CCDC148: variants seen among roughly 807,000 people sequenced by gnomAD.
CCDC148 encodes the protein coiled-coil domain containing 148.
Under a neutral mutation model 85.7 loss-of-function variants are expected in CCDC148, and 89 were observed. The ratio of observed to expected loss-of-function variants is 1.04; its 90% CI spans 0.87 to 1.24. The LOEUF is 1.24. Among genes scored for constraint, CCDC148 ranks in the 50% most tolerant of loss-of-function variants. CCDC148 has a pLI of 0.00. For synonymous variants in CCDC148, 230 were observed against 213.9 expected, an observed-to-expected ratio of 1.08 and a Z score of -0.66; for missense variants, 692 against 671.7, an observed-to-expected ratio of 1.03 and a Z score of -0.33.
intron 3 of CCDC148, among the ~76,000 whole-genome samples, chr2:158,344,494 T>TA (rs1682896224): frequency 6.6e-6 from 1 of 152,156 alleles, no homozygotes; most frequent in African/African-American, 2.4e-5. Flanking sequence ...ATAAATGCTT[T>TA]AAAATGCACA....
chr2:158,361,481 A>G (rs1476311794), intron 1 of CCDC148, among the ~76,000 whole-genome samples: 2 of 152,226 alleles, frequency 1.3e-5, no homozygotes, highest in African/African-American at 4.8e-5. Context: ...ATCTCTCTGC[A>G]GAAACCCTAC....
In CCDC148 at chr2:158,201,559, G is replaced by A. The variant is rs188791043; in HGVS notation, c.1370+19036C>T. Among the ~76,000 whole-genome samples, 457 of 152,018 alleles carry A rather than the reference G, an allele frequency of 3.0e-3. 1 individual carries two copies. The highest frequency in any genetic ancestry group is 6.8e-3 in the Middle Eastern group (2 of 294). On this transcript the variant is annotated intron_variant, in intron 11 of 13. Transcript: ENST00000283233. ...TGAGTAGCTGGAACTACAGCTATAC[G>A]CCACCAACTCTGGCTAATGTTTTTC...
chr2:158,440,368 C>T (rs1055979465), intron 1 of CCDC148, among the ~76,000 whole-genome samples: 4 of 152,076 alleles, frequency 2.6e-5, no homozygotes, highest in African/African-American at 9.7e-5. Flanking sequence ...TCCAAAAAAA[C>T]TGTACATAAA....
At chr2:158,412,544 G>T (rs1686305768) in intron 1 of CCDC148, among the ~76,000 whole-genome samples, 1 of 152,030 alleles carries the variant, frequency 6.6e-6, no homozygotes, top group Non-Finnish European at 1.5e-5. Flanking sequence ...AAAGAGAGAG[G>T]CATAGGAATT....
intron 9 of CCDC148, among the ~76,000 whole-genome samples, chr2:158,302,835 C>T (rs1574582480): frequency 6.6e-6 from 1 of 151,670 alleles, no homozygotes; most frequent in South Asian, 2.1e-4. Flanking sequence ...CTAGGCATGC[C>T]GTTGAAAGAC....
intron 9 of CCDC148, among the ~76,000 whole-genome samples, chr2:158,292,077 C>T (rs911840260): frequency 3.3e-5 from 5 of 152,030 alleles, no homozygotes; most frequent in Non-Finnish European, 7.4e-5. Flanking sequence ...TGAAAGATCA[C>T]TTTTTTCTTT....
chr2:158,411,195 T>C (rs1686243845), intron 1 of CCDC148, among the ~76,000 whole-genome samples: 1 of 152,142 alleles, frequency 6.6e-6, no homozygotes, highest in Non-Finnish European at 1.5e-5. Flanking sequence ...TGGAGTCCTT[T>C]GGGTTTCTAA....
chr2:158,359,513 G>A (rs903259715), intron 1 of CCDC148, among the ~76,000 whole-genome samples: 3 of 152,150 alleles, frequency 2.0e-5, no homozygotes, highest in Admixed American at 6.5e-5. Context: ...GTTAGACAGT[G>A]GGTGCAGCCC....
intron 11 of CCDC148, among the ~76,000 whole-genome samples, chr2:158,209,611 A>G (rs1333324430): frequency 6.6e-6 from 1 of 152,184 alleles, no homozygotes; most frequent in African/African-American, 2.4e-5. Context: ...CTAACAGCGG[A>G]TCTCTCTGCA....
intron 1 of CCDC148, chr2:158,425,352 C>A: frequency 2.0e-6 from 1 of 490,054 alleles, no homozygotes; most frequent in Non-Finnish European, 4.0e-6. Context: ...AATAACCCAT[C>A]TTGCAGGATG....
At chr2:158,250,312 C>T (rs868338542) in intron 10 of CCDC148, among the ~76,000 whole-genome samples, 44 of 151,982 alleles carry the variant, frequency 2.9e-4, no homozygotes, top group African/African-American at 1.0e-3. Flanking sequence ...AATAAACAGC[C>T]AAGAAGTAAA....
intron 9 of CCDC148, among the ~76,000 whole-genome samples, chr2:158,281,260 C>T (rs1574537614): frequency 6.6e-6 from 1 of 151,750 alleles, no homozygotes; most frequent in Non-Finnish European, 1.5e-5. Context: ...TAGCAGAAGG[C>T]AAGAAATAAC....
intron 1 of CCDC148, among the ~76,000 whole-genome samples, chr2:158,443,444 C>T (rs968046577): frequency 3.0e-5 from 4 of 134,210 alleles, no homozygotes; most frequent in Non-Finnish European, 6.1e-5. Context: ...ATCAAGGCTG[C>T]GGTCAGCCAT....
intron 9 of CCDC148, among the ~76,000 whole-genome samples, chr2:158,263,844 T>G (rs575746545): frequency 6.6e-6 from 1 of 151,992 alleles, no homozygotes; most frequent in South Asian, 2.1e-4. Flanking sequence ...TAGGGGATTA[T>G]GATGCCTAGC....
Position 158,220,778 on chromosome 2 carries a change from A to AT in CCDC148, c.1252-66dup, listed in dbSNP as rs1687139395. 4 of 1,262,470 alleles carry AT rather than the reference A, an allele frequency of 3.2e-6. No individual in the cohort carries two copies. In the East Asian group the frequency reaches 9.8e-5, roughly 31 times the overall value. 78.2% of individuals were successfully genotyped at this position (1,262,470 alleles called of 1,614,324 possible). A position where few individuals can be genotyped will look rare whatever the true frequency, so the allele number is the denominator to read the frequency against. On this transcript the variant is annotated intron_variant, in intron 10 of 13. Transcript: ENST00000283233. ...GATATGTAAAAATGAGGGAAAAGCCATAACCATATCCACTGGTTCGTATTA... is the reference window on the plus strand; with the variant it reads ...GATATGTAAAAATGAGGGAAAAGCCATTAACCATATCCACTGGTTCGTATTA...
At chr2:158,203,180 A>G (rs1686056797) in intron 11 of CCDC148, among the ~76,000 whole-genome samples, 1 of 152,194 alleles carries the variant, frequency 6.6e-6, no homozygotes, top group South Asian at 2.1e-4. Context: ...CCCTTCTGCA[A>G]GTGAAGCCAC....
At chr2:158,252,627 C>T (rs1688839609) in intron 9 of CCDC148, among the ~76,000 whole-genome samples, 1 of 151,746 alleles carries the variant, frequency 6.6e-6, no homozygotes, top group Admixed American at 6.6e-5. Flanking sequence ...CAGGTCATGA[C>T]ATTTCTCTCC....
rs80052367 is a variant in CCDC148, at chr2:158,231,147, A to C, written c.1252-10434T>G. On this transcript the variant is annotated intron_variant, in intron 10 of 13. Coordinates refer to ENST00000283233, the MANE Select transcript of CCDC148 (RefSeq NM_138803.4). ...AAATTAAGGAGATAGCCACATAAACAGTATTTGACACCAGAGGACTGGATG... is the reference window on the plus strand; with the variant it reads ...AAATTAAGGAGATAGCCACATAAACCGTATTTGACACCAGAGGACTGGATG... 3.2e-3 allele frequency among the ~76,000 whole-genome samples: 495 copies of C among 152,316 alleles called. 2 individuals carry two copies. Among genetic ancestry groups the C allele is most frequent in the East Asian group, 0.032 (164 of 5,174 alleles).
chr2:158,423,591 T>G (rs1326891506), intron 1 of CCDC148, among the ~76,000 whole-genome samples: 1 of 152,084 alleles, frequency 6.6e-6, no homozygotes, highest in Non-Finnish European at 1.5e-5. Flanking sequence ...ACTTAAATGT[T>G]AGACCTAAAA....
Sources: allele counts gnomAD v4.1 joint callset (sites outside exome capture counted in the v4.1 genomes callset), GRCh38; gene constraint gnomAD v4.1.1; transcripts MANE v1.5; gene names NCBI Gene and HGNC (gene_info 2026-07-23, HGNC 2026-07-21).